ZNF236: variants seen among roughly 807,000 people sequenced by gnomAD.
ZNF236 encodes the protein zinc finger protein 236, also known as regulated by glucose.
ZNF236 carries 50 observed loss-of-function variants against 191.2 expected under a neutral mutation model. That is an observed-to-expected ratio of 0.26 (90% CI 0.21 to 0.33). The LOEUF (loss-of-function observed/expected upper bound fraction) is 0.33. Among genes scored for constraint, ZNF236 ranks in the 10% least tolerant of loss-of-function variants. The pLI is 1.00. For missense variants in ZNF236, 1,754 were observed against 2,374.5 expected (o/e 0.74, Z 5.43); for synonymous variants, 907 against 928.8 (o/e 0.98, Z 0.43).
Position 76,915,516 on chromosome 18 carries a change from C to A in ZNF236, c.3062-131C>A. Reference sequence around the variant, plus strand: ...TAATTTACTTTTTTTTTTTTTTAACCAAAGTCTGTTAAGCCTCAGGATAAT... The same window carrying A: ...TAATTTACTTTTTTTTTTTTTTAACAAAAGTCTGTTAAGCCTCAGGATAAT... On this transcript the variant is annotated intron_variant, in intron 18 of 30. Transcript: ENST00000320610. The A allele has an allele frequency of 3.8e-5, 29 of 769,638 alleles. No homozygotes were observed. The highest frequency in any genetic ancestry group is 4.1e-4 in the Middle Eastern group (1 of 2,456). 47.7% of individuals were successfully genotyped at this position (769,638 alleles called of 1,614,324 possible). A position where few individuals can be genotyped will look rare whatever the true frequency, so the allele number is the denominator to read the frequency against.
In ZNF236 at chr18:76,939,854, A is replaced by G. The variant is rs554458458; in HGVS notation, c.4782+2511A>G. Among the ~76,000 whole-genome samples the G allele has an allele frequency of 1.1e-3, 123 of 109,836 alleles. No individual in the cohort carries two copies. In the East Asian group the frequency reaches 0.012, roughly 10 times the overall value. 72.1% of individuals were successfully genotyped at this position (109,836 alleles called of 152,430 possible). A position where few individuals can be genotyped will look rare whatever the true frequency, so the allele number is the denominator to read the frequency against. ...ACCCTAGCACTGCATTTGGGAACACAGTGGGCTACCCTAGCACTGCATTTG... is the reference window on the plus strand; with the variant it reads ...ACCCTAGCACTGCATTTGGGAACACGGTGGGCTACCCTAGCACTGCATTTG... On this transcript the variant is annotated intron_variant, in intron 26 of 30. Coordinates refer to ENST00000320610, the MANE Select transcript of ZNF236 (RefSeq NM_001306089.2).
chr18:76,857,980 T>C (rs1976095085), intron 3 of ZNF236, among the ~76,000 whole-genome samples: 1 of 152,210 alleles, frequency 6.6e-6, no homozygotes, highest in Admixed American at 6.5e-5. Context: ...TTCTTAAGTA[T>C]TTTAAGATTC....
chr18:76,893,439 TG>T (rs1977306972), intron 9 of ZNF236, among the ~76,000 whole-genome samples: 1 of 152,252 alleles, frequency 6.6e-6, no homozygotes, highest in African/African-American at 2.4e-5. Flanking sequence ...TACCTTTCTT[TG>T]TTTTTATTTA....
At chr18:76,834,716 C>T in intron 1 of ZNF236, 1 of 444,152 alleles carries the variant, frequency 2.3e-6, no homozygotes. Context: ...ATAGTGTCCT[C>T]ATACAACCTG....
chr18:76,937,054 T>C lies in ZNF236; in HGVS notation c.4595-102T>C, dbSNP rs1389445274. 5.6e-6 allele frequency: 6 copies of C among 1,079,782 alleles called. No homozygotes were observed. The Admixed American group carries it at 8.5e-5, about 15-fold the overall frequency. 66.9% of individuals were successfully genotyped at this position (1,079,782 alleles called of 1,614,324 possible). A position where few individuals can be genotyped will look rare whatever the true frequency, so the allele number is the denominator to read the frequency against. ...TGGTGCAGCTTGGAGACCTCGGGCA[T>C]GAATGCTGCTTCCTGCAGGTGGGAG... On this transcript the variant is annotated intron_variant, in intron 25 of 30. Coordinates refer to ENST00000320610, the MANE Select transcript of ZNF236 (RefSeq NM_001306089.2).
chr18:76,834,732 C>A (rs908060544), intron 1 of ZNF236: 2 of 441,358 alleles, frequency 4.5e-6, no homozygotes, highest in Non-Finnish European at 4.4e-6. Context: ...ACCTGAACAT[C>A]ATCCTTTCGG....
intron 30 of ZNF236, among the ~76,000 whole-genome samples, chr18:76,966,873 G>A (rs1769878982): frequency 6.6e-6 from 1 of 152,230 alleles, no homozygotes; most frequent in Non-Finnish European, 1.5e-5. Context: ...TCAGAGGGTG[G>A]CAGTAGCTAT....
At position 76,968,298 on chromosome 18, in the gene ZNF236, G is replaced by C; in HGVS notation, c.5503G>C (p.Glu1835Gln). The change falls in exon 31 of 31, where the codon GAG becomes CAG. Residue 1835 changes from glutamate (E) to glutamine (Q), a missense_variant. Transcript: ENST00000320610. ...CCTCCACCTGGAGGAGGTGGTGCAGGAGGCCGCCGGCGAGTGGCAGGCCCT... is the reference window on the plus strand; with the variant it reads ...CCTCCACCTGGAGGAGGTGGTGCAGCAGGCCGCCGGCGAGTGGCAGGCCCT... Reference protein sequence around the residue: ...RTLHLEEVVQEAAGEWQALTH... With the variant: ...RTLHLEEVVQQAAGEWQALTH... 6.2e-7 allele frequency: 1 copy of C among 1,610,732 alleles called. No homozygotes were observed. The highest frequency in any genetic ancestry group is 8.5e-7 in the Non-Finnish European group (1 of 1,179,108).
At chr18:76,929,515 G>A (rs1967794033) in intron 25 of ZNF236, among the ~76,000 whole-genome samples, 1 of 152,124 alleles carries the variant, frequency 6.6e-6, no homozygotes, top group Non-Finnish European at 1.5e-5. Flanking sequence ...TTAAGAAAAT[G>A]TATTCTTCAG....
intron 30 of ZNF236, among the ~76,000 whole-genome samples, chr18:76,966,557 C>T (rs576903898): frequency 3.2e-4 from 48 of 152,228 alleles, no homozygotes; most frequent in Middle Eastern, 6.8e-3. Context: ...TGTCTGTCTT[C>T]ACATCATGTC....
Position 76,880,416 on chromosome 18 carries a change from A to G in ZNF236, c.1188+100A>G. 7.9e-7 allele frequency: 1 copy of G among 1,268,888 alleles called. No individual in the cohort carries two copies. Among genetic ancestry groups the G allele is most frequent in the Non-Finnish European group, 1.1e-6 (1 of 942,648 alleles). 78.6% of individuals were successfully genotyped at this position (1,268,888 alleles called of 1,614,324 possible). ...TAAATCTGCAGGGCTTGTCAAAGTCAGGGTATCCTCATGAAAAATGTGCCT... is the reference window on the plus strand; with the variant it reads ...TAAATCTGCAGGGCTTGTCAAAGTCGGGGTATCCTCATGAAAAATGTGCCT... On this transcript the variant is annotated intron_variant, in intron 8 of 30. Transcript: ENST00000320610. This position sits in a 1 kb window ranked among gnomAD's most constrained non-coding sequence, Gnocchi z 5.0.
chr18:76,921,737 C>CTTTTTTTTTTTTTTTTTTT (rs11380490), intron 20 of ZNF236, among the ~76,000 whole-genome samples: 2 of 98,050 alleles, frequency 2.0e-5, no homozygotes, highest in African/African-American at 3.8e-5. Flanking sequence ...GTGGGATGTT[C>CTTTTTTTTTTTTTTTTTTT]TTTTTTTTTT....
intron 2 of ZNF236, among the ~76,000 whole-genome samples, chr18:76,850,084 G>A (rs1975814113): frequency 2.0e-5 from 3 of 152,254 alleles, no homozygotes; most frequent in Middle Eastern, 3.4e-3. Flanking sequence ...TCAGGAGGGA[G>A]CAAATATTAC....
At chr18:76,855,001 G>C (rs1976002530) in intron 3 of ZNF236, among the ~76,000 whole-genome samples, 1 of 152,162 alleles carries the variant, frequency 6.6e-6, no homozygotes, top group African/African-American at 2.4e-5. Context: ...TCTCAGCTCA[G>C]TGCAGCCTCT....
intron 3 of ZNF236, among the ~76,000 whole-genome samples, chr18:76,866,173 C>A (rs890181163): frequency 1.3e-5 from 2 of 152,110 alleles, no homozygotes; most frequent in African/African-American, 4.8e-5. Context: ...ACATGCATGC[C>A]CACACACACT....
intron 26 of ZNF236, among the ~76,000 whole-genome samples, chr18:76,939,382 G>T (rs140104131): frequency 6.6e-6 from 1 of 152,104 alleles, no homozygotes; most frequent in East Asian, 1.9e-4. Context: ...AGGTGTAAAT[G>T]ACTGGGGTGT....
At chr18:76,929,574 G>A (rs9960774) in intron 25 of ZNF236, among the ~76,000 whole-genome samples, 36,834 of 151,996 alleles carry the variant, frequency 0.24, 5,328 homozygotes, top group East Asian at 0.32. Flanking sequence ...TTGGCCATTT[G>A]GTTATTTTGT....
intron 16 of ZNF236, among the ~76,000 whole-genome samples, chr18:76,911,603 C>T (rs1472553159): frequency 1.3e-5 from 2 of 152,190 alleles, no homozygotes; most frequent in Non-Finnish European, 2.9e-5. Context: ...TAGCAACGTG[C>T]ACTTGCTGCC....
intron 11 of ZNF236, 100 bp downstream of exon 11, chr18:76,899,322 G>A (rs892524236): frequency 9.7e-7 from 1 of 1,034,750 alleles, no homozygotes; most frequent in Non-Finnish European, 1.4e-6. Flanking sequence ...TAGTTAAATA[G>A]TTTTTTAGGC....
Sources: allele counts gnomAD v4.1 joint callset (sites outside exome capture counted in the v4.1 genomes callset), GRCh38; gene constraint gnomAD v4.1.1; non-coding constraint Gnocchi (gnomAD v3.1); transcripts MANE v1.5; gene names NCBI Gene and HGNC (gene_info 2026-07-23, HGNC 2026-07-21).